Variants in ABCC4 observed in about 807,000 individuals in gnomAD.
ABCC4 encodes ATP binding cassette subfamily C member 4 (PEL blood group), also known as ATP-binding cassette sub-family C member 4.
ABCC4 carries 102 observed loss-of-function variants against 168.5 expected under a neutral mutation model. The ratio of observed to expected loss-of-function variants is 0.61; its 90% CI spans 0.52 to 0.71. The LOEUF (loss-of-function observed/expected upper bound fraction) is 0.71, where lower values mean the gene tolerates loss of function less well. ABCC4 is among the 30% of genes least tolerant of loss of function. The pLI is 0.00. For missense variants in ABCC4, 1,402 were observed against 1,605.8 expected (o/e 0.87, Z 2.17); for synonymous variants, 617 against 590.7 (o/e 1.04, Z -0.65).
chr13:95,070,119 C>T (rs1189636519), intron 25 of ABCC4, among the ~76,000 whole-genome samples: 1 of 152,100 alleles, frequency 6.6e-6, no homozygotes, highest in Non-Finnish European at 1.5e-5. Flanking sequence ...TGGTGCACAC[C>T]TATAATCCCA....
At chr13:95,161,082 G>T in intron 19 of ABCC4, 107 bp downstream of exon 19, 2 of 744,544 alleles carry the variant, frequency 2.7e-6, no homozygotes, top group Non-Finnish European at 3.6e-6. Context: ...CATGCATAGT[G>T]ATTTTCTTCC....
chr13:95,269,906 T>C (rs2040801356), intron 1 of ABCC4, among the ~76,000 whole-genome samples: 1 of 152,152 alleles, frequency 6.6e-6, no homozygotes, highest in African/African-American at 2.4e-5. Flanking sequence ...ACTCATCAGA[T>C]GTGCCAAAAA....
chr13:95,258,043 A>T (rs1389762371), intron 1 of ABCC4, among the ~76,000 whole-genome samples: 1 of 152,148 alleles, frequency 6.6e-6, no homozygotes, highest in Non-Finnish European at 1.5e-5. Context: ...CATTTGTCCC[A>T]ACAAGAACCA....
chr13:95,173,022 G>A (rs537362755), intron 13 of ABCC4, among the ~76,000 whole-genome samples: 1 of 152,286 alleles, frequency 6.6e-6, no homozygotes, highest in South Asian at 2.1e-4. Flanking sequence ...AAGTACCAGG[G>A]ACTACTCTAA....
intron 1 of ABCC4, among the ~76,000 whole-genome samples, chr13:95,298,782 T>C (rs1193953251): frequency 6.6e-6 from 1 of 152,088 alleles, no homozygotes; most frequent in Admixed American, 6.6e-5. Flanking sequence ...CTCTGACACT[T>C]GATTGTTGTG....
At chr13:95,223,311 C>T (rs2039356195) in intron 4 of ABCC4, among the ~76,000 whole-genome samples, 1 of 152,100 alleles carries the variant, frequency 6.6e-6, no homozygotes, top group Non-Finnish European at 1.5e-5. Flanking sequence ...ATAAAGAAAG[C>T]AGTCTTCATA....
chr13:95,080,471 C>T (rs1414816361), intron 21 of ABCC4, among the ~76,000 whole-genome samples: 1 of 152,148 alleles, frequency 6.6e-6, no homozygotes, highest in African/African-American at 2.4e-5. Context: ...AATCTCGGCT[C>T]ACCTCAACCT....
At chr13:95,153,462 C>CGA (rs200103407) in intron 19 of ABCC4, among the ~76,000 whole-genome samples, 423 of 151,996 alleles carry the variant, frequency 2.8e-3, no homozygotes, top group African/African-American at 4.6e-3. Flanking sequence ...TTACATATAT[C>CGA]GAGAGAGACA....
Position 95,209,703 on chromosome 13 carries a change from A to C in ABCC4, c.622-106T>G, listed in dbSNP as rs1258315318. 4 of 1,116,436 alleles carry C rather than the reference A, an allele frequency of 3.6e-6. No homozygotes were observed. In the East Asian group the frequency reaches 1.1e-4, roughly 30 times the overall value. The allele number at this position is 1,116,436 out of a possible 1,614,324, so 69.2% of individuals were successfully genotyped here. A position where few individuals can be genotyped will look rare whatever the true frequency, so the allele number is the denominator to read the frequency against. On this transcript the variant is annotated intron_variant, in intron 5 of 30. Coordinates refer to ENST00000645237, the MANE Select transcript of ABCC4 (RefSeq NM_005845.5). Reference sequence around the variant, plus strand: ...GAAAAGAACAGGCAAGATCCTAAACAGAAATGGCCACAGTGGGTTTACACC... The same window carrying C: ...GAAAAGAACAGGCAAGATCCTAAACCGAAATGGCCACAGTGGGTTTACACC...
At chr13:95,143,188 T>C (rs1416153659) in intron 19 of ABCC4, among the ~76,000 whole-genome samples, 1 of 152,104 alleles carries the variant, frequency 6.6e-6, no homozygotes, top group Non-Finnish European at 1.5e-5. Flanking sequence ...ACCAAGAGAA[T>C]TCACCAATCT....
At chr13:95,066,476 T>C (rs1208241629) in intron 25 of ABCC4, among the ~76,000 whole-genome samples, 1 of 152,064 alleles carries the variant, frequency 6.6e-6, no homozygotes, top group Non-Finnish European at 1.5e-5. Context: ...TGTGGTGTCC[T>C]GCAAAAAAAA....
intron 1 of ABCC4, among the ~76,000 whole-genome samples, chr13:95,261,580 T>C (rs11842634): frequency 0.098 from 14,940 of 152,152 alleles, 1,622 homozygotes; most frequent in African/African-American, 0.26. Flanking sequence ...AGGAATGGCT[T>C]ATCCATTTAC....
intron 20 of ABCC4, among the ~76,000 whole-genome samples, chr13:95,097,771 A>G (rs768342286): frequency 1.1e-3 from 172 of 152,120 alleles, no homozygotes; most frequent in Non-Finnish European, 2.1e-3. Context: ...TTAAAAAAAA[A>G]AAATCCCTAA....
intron 4 of ABCC4, 88 bp from the exon 5 acceptor site, chr13:95,210,869 G>T: frequency 5.3e-6 from 5 of 944,062 alleles, no homozygotes; most frequent in Non-Finnish European, 8.3e-6. Context: ...GAAGTCTCGT[G>T]TGATGTCAAG....
intron 19 of ABCC4, among the ~76,000 whole-genome samples, chr13:95,157,762 G>A (rs374005097): frequency 1.1e-4 from 17 of 152,124 alleles, no homozygotes; most frequent in African/African-American, 2.4e-4. Context: ...TTGGAGAAGC[G>A]TGGCCTTCCT....
chr13:95,079,363 C>A (rs1428352366), intron 21 of ABCC4, among the ~76,000 whole-genome samples: 1 of 152,194 alleles, frequency 6.6e-6, no homozygotes, highest in Non-Finnish European at 1.5e-5. Context: ...TCTGGTCTAC[C>A]AGTCTTGCTG....
chr13:95,256,153 T>A (rs2040385853), intron 1 of ABCC4, among the ~76,000 whole-genome samples: 1 of 152,208 alleles, frequency 6.6e-6, no homozygotes, highest in Non-Finnish European at 1.5e-5. Context: ...TGCAGCGGCA[T>A]AATCATAGCT....
chr13:95,183,511 G>A (rs1444201460), intron 11 of ABCC4, among the ~76,000 whole-genome samples: 1 of 152,102 alleles, frequency 6.6e-6, no homozygotes, highest in East Asian at 1.9e-4. Context: ...GTCATAAATG[G>A]CATTTGAGAA....
At chr13:95,058,804 C>A (rs1253149142) in intron 26 of ABCC4, among the ~76,000 whole-genome samples, 1 of 152,108 alleles carries the variant, frequency 6.6e-6, no homozygotes. Flanking sequence ...ACACACCCTG[C>A]AGGGCTGCAG....
Sources: allele counts gnomAD v4.1 joint callset (sites outside exome capture counted in the v4.1 genomes callset), GRCh38; gene constraint gnomAD v4.1.1; transcripts MANE v1.5; gene names NCBI Gene and HGNC (gene_info 2026-07-23, HGNC 2026-07-21).